Variants in DCTN1 observed in about 807,000 individuals in gnomAD.
The protein encoded by DCTN1 is 150 kDa dynein-associated polypeptide.
DCTN1 carries 61 observed loss-of-function variants against 161.2 expected under a neutral mutation model. The observed-to-expected ratio is 0.38, with a 90% CI of 0.31 to 0.47. DCTN1 has a LOEUF of 0.47. DCTN1 is among the 20% of genes least tolerant of loss of function. The probability of loss-of-function intolerance (pLI) is 0.99; values close to 1 mark genes in which losing one functional copy is unlikely to be tolerated. For synonymous variants in DCTN1, 653 were observed against 632.4 expected (o/e 1.03, Z -0.49); for missense variants, 1,404 against 1,623.7 (o/e 0.86, Z 2.33).
Position 74,361,312 on chromosome 2 carries a change from G to A in DCTN1, c.*187C>T, listed in dbSNP as rs947292936. 3.7e-6 allele frequency: 3 copies of A among 815,592 alleles called. No individual in the cohort carries two copies. The highest frequency in any genetic ancestry group is 6.1e-6 in the Non-Finnish European group (3 of 491,608). The allele number at this position is 815,592 out of a possible 1,614,324, so 50.5% of individuals were successfully genotyped here. On this transcript the variant is annotated 3_prime_UTR_variant, in exon 32 of 32. Coordinates refer to ENST00000628224, the MANE Select transcript of DCTN1 (RefSeq NM_004082.5). ...ACAACAAATTATGGCAGAGGCCAGG[G>A]AATGGGAGTGGGGGAACCCGGGTCA... is the stretch of plus-strand genomic sequence containing the variant.
chr2:74,386,963 G>C (rs1430890620), intron 1 of DCTN1: 2 of 152,160 alleles, frequency 1.3e-5, no homozygotes, highest in Non-Finnish European at 2.9e-5. Context: ...ACAAGTCCCT[G>C]CTACCTCTTC....
chr2:74,367,280 C>T (rs934150147), intron 19 of DCTN1, 72 bp downstream of exon 19: 12 of 1,584,944 alleles, frequency 7.6e-6, no homozygotes, highest in Non-Finnish European at 1.0e-5. Context: ...TTCTTGGGTG[C>T]CTGATCTCTT....
intron 19 of DCTN1, 21 bp from the exon 20 acceptor site, chr2:74,367,128 A>C: frequency 1.2e-6 from 2 of 1,613,984 alleles, no homozygotes; most frequent in Non-Finnish European, 8.5e-7. Context: ...AGAAGCATGC[A>C]ATCATCAGCC....
intron 26 of DCTN1, 121 bp from the exon 27 acceptor site, chr2:74,363,749 AATC>A: frequency 3.9e-6 from 5 of 1,297,878 alleles, no homozygotes; most frequent in Non-Finnish European, 5.5e-6. Flanking sequence ...CCCTTTTCCT[AATC>A]ATCATACTTT....
chr2:74,378,690 C>T (rs188903865), intron 1 of DCTN1, among the ~76,000 whole-genome samples: 4 of 152,282 alleles, frequency 2.6e-5, no homozygotes, highest in Admixed American at 6.5e-5. Context: ...CCTACAGAAT[C>T]CTGTTTCCCC....
chr2:74,365,409 G>C, intron 25 of DCTN1, 106 bp downstream of exon 25: 3 of 1,576,352 alleles, frequency 1.9e-6, no homozygotes, highest in Non-Finnish European at 2.6e-6. Context: ...AAAGAAAATG[G>C]GGAGTCTCAC....
upstream of DCTN1, among the ~76,000 whole-genome samples, chr2:74,384,288 G>C (rs1675635383): frequency 6.6e-6 from 1 of 152,144 alleles, no homozygotes. Context: ...GAAGTCAAAT[G>C]ACTTGCCCAA....
At position 74,369,046 on chromosome 2, in the gene DCTN1, C is replaced by T; in HGVS notation, c.1701+52G>A. On this transcript the variant is annotated intron_variant, in intron 15 of 31. Coordinates refer to ENST00000628224, the MANE Select transcript of DCTN1 (RefSeq NM_004082.5). This position sits in a 1 kb window ranked among gnomAD's most constrained non-coding sequence, Gnocchi z 4.9. ...CCCCAGGAATCTGAAGCCCAGACCC[C>T]ATACCAGTTCATCCCAGGCAGGGCT... is the stretch of plus-strand genomic sequence containing the variant. The T allele has an allele frequency of 6.3e-7, 1 of 1,590,666 alleles. No individual in the cohort carries two copies. Among genetic ancestry groups the T allele is most frequent in the Non-Finnish European group, 8.6e-7 (1 of 1,159,752 alleles).
At position 74,363,651 on chromosome 2, in the gene DCTN1, G is replaced by A. The variant is rs752196778; in HGVS notation, c.3197-23C>T. The A allele has an allele frequency of 6.8e-6, 11 of 1,613,400 alleles. No homozygotes were observed. The South Asian group carries it at 9.9e-5, about 15-fold the overall frequency. On this transcript the variant is annotated intron_variant, in intron 26 of 31. Coordinates refer to ENST00000628224, the MANE Select transcript of DCTN1 (RefSeq NM_004082.5). Reference sequence around the variant, plus strand: ...CTTCTGTGCTCGGGATAGCCCATGGGGGAGCAGGAAAAGAGGAGAGAGGAG... The same window carrying A: ...CTTCTGTGCTCGGGATAGCCCATGGAGGAGCAGGAAAAGAGGAGAGAGGAG...
In DCTN1 at chr2:74,361,500, T is replaced by C. The variant is rs1051686630; in HGVS notation, c.3836A>G (p.Ter1279=). The C allele has an allele frequency of 6.2e-7, 1 of 1,613,890 alleles. No individual in the cohort carries two copies. Among genetic ancestry groups the C allele is most frequent in the Non-Finnish European group, 8.5e-7 (1 of 1,179,962 alleles). ...GGGGACAGCAGGGGAAAGGAGTGCT[T>C]AGGAGATGAGGCGACTGTGAAGCTG... ...LHQLHSRLIS[*] is the part of the protein sequence containing the mutation. Residue 1279 remains the stop codon, a stop_retained_variant, in exon 32 of 32, where the codon TAA becomes TGA. Coordinates refer to ENST00000628224, the MANE Select transcript of DCTN1 (RefSeq NM_004082.5).
At chr2:74,380,644 C>G (rs966363330), upstream of DCTN1, 16 of 455,944 alleles carry the variant, frequency 3.5e-5, no homozygotes, top group Middle Eastern at 4.7e-3. Context: ...CTTCTCTCTC[C>G]CTCCCCTCTC....
rs1253065207 is a variant in DCTN1, at chr2:74,367,759, G to A, written c.2121C>T (p.His707=). The A allele has an allele frequency of 6.2e-7, 1 of 1,614,168 alleles. No individual in the cohort carries two copies. The highest frequency in any genetic ancestry group is 2.2e-5 in the East Asian group (1 of 44,880). ...RSLDFLIELL[H]KDQLDETVNV... ...TGACAGTCTCATCCAGCTGATCCTT[G>A]TGCAGCAGTTCAATGAGGAAATCCA... The change falls in exon 18 of 32, where the codon CAC becomes CAT. Residue 707 remains histidine (H), a synonymous_variant. Coordinates refer to ENST00000628224, the MANE Select transcript of DCTN1 (RefSeq NM_004082.5).
chr2:74,373,443 C>T (rs1353603148), intron 6 of DCTN1: 2 of 213,888 alleles, frequency 9.4e-6, no homozygotes, highest in East Asian at 2.1e-4. Flanking sequence ...TAATCTAAGC[C>T]CAGAAATGGG....
In DCTN1 at chr2:74,371,744, A is replaced by G. The variant is rs1343536850; in HGVS notation, c.454-16T>C. On this transcript the variant is annotated splice_polypyrimidine_tract_variant and intron_variant, in intron 7 of 31. Coordinates refer to ENST00000628224, the MANE Select transcript of DCTN1 (RefSeq NM_004082.5). The stretch of plus-strand genomic sequence containing the variant: ...GGCGCGTGGGCTATTCAGAAAGGGT[A>G]GAGGCAGACCAGAAAGAAAGCAGAG... 1 of 1,603,590 alleles carries G rather than the reference A, an allele frequency of 6.2e-7. No individual in the cohort carries two copies. Among genetic ancestry groups the G allele is most frequent in the East Asian group, 2.2e-5 (1 of 44,652 alleles).
At chr2:74,373,300 A>C in intron 6 of DCTN1, 1 of 381,390 alleles carries the variant, frequency 2.6e-6, no homozygotes, top group Admixed American at 3.7e-5. Context: ...CCTCCTGCTA[A>C]CGATCTCTCC....
chr2:74,386,914 A>T (rs1675758053), intron 1 of DCTN1: 1 of 152,114 alleles, frequency 6.6e-6, no homozygotes, highest in Non-Finnish European at 1.5e-5. Flanking sequence ...CTTACATGGC[A>T]TCAGAAAACC....
chr2:74,373,957 G>A (rs544620796), intron 6 of DCTN1, among the ~76,000 whole-genome samples: 1 of 152,342 alleles, frequency 6.6e-6, no homozygotes, highest in East Asian at 1.9e-4. Flanking sequence ...TCTAGCAAAG[G>A]TTGGGTGAGG....
Position 74,369,469 on chromosome 2 carries a change from T to C in DCTN1, c.1415A>G (p.Asp472Gly). The change falls in exon 14 of 32, where the codon GAT (aspartate) becomes GGT (glycine). Residue 472 changes from aspartate to glycine, a missense_variant. This residue lies in a region of DCTN1 where 278 missense variants were observed against 363.8 expected (regional missense o/e 0.76). Coordinates refer to ENST00000628224, the MANE Select transcript of DCTN1 (RefSeq NM_004082.5). The surrounding 1 kb of genome is among the most constrained non-coding windows in gnomAD (Gnocchi z 4.9). ...CTCACGTGCATTCTCCTGCAGCTCA[T>C]CGTTCATCTCATTCATCGCTTCCTA... ...GDLEAMNEMN[D>G]ELQENARETE... The C allele has an allele frequency of 6.2e-7, 1 of 1,613,826 alleles. No homozygotes were observed. Among genetic ancestry groups the C allele is most frequent in the African/African-American group, 1.3e-5 (1 of 75,042 alleles).
At chr2:74,387,281 G>A (rs776491604) in intron 1 of DCTN1, among the ~76,000 whole-genome samples, 20 of 152,166 alleles carry the variant, frequency 1.3e-4, no homozygotes, top group South Asian at 2.1e-4. Flanking sequence ...ACCCTTGCAC[G>A]TCAATCCTTC....
Sources: allele counts gnomAD v4.1 joint callset (sites outside exome capture counted in the v4.1 genomes callset), GRCh38; gene constraint gnomAD v4.1.1; regional missense constraint gnomAD v4.1.1; non-coding constraint Gnocchi (gnomAD v3.1); transcripts MANE v1.5; gene names NCBI Gene and HGNC (gene_info 2026-07-23, HGNC 2026-07-21).